The following HDAC10 variants were observed in gnomAD, a reference collection of about 807,000 sequenced individuals.
HDAC10 encodes polyamine deacetylase HDAC10.
In HDAC10, 90 loss-of-function variants were observed where a neutral mutation model predicts 82.3. The observed-to-expected ratio is 1.09, with a 90% confidence interval of 0.92 to 1.30. The LOEUF (loss-of-function observed/expected upper bound fraction) is 1.30, where lower values mean the gene tolerates loss of function less well. Ranked by LOEUF, HDAC10 falls within the 50% of genes most tolerant of loss-of-function variation. The pLI is 0.00. For synonymous variants in HDAC10, 456 were observed against 391.7 expected (o/e 1.16, Z -1.94); for missense variants, 934 against 876.3 (o/e 1.07, Z -0.83).
In HDAC10 at chr22:50,250,799, A is replaced by C. The variant is rs1488604639; in HGVS notation, c.166T>G (p.Ser56Ala). ...TGCACCAGGCCCAGCTCCTCTTCCG[A>C]GGCCTCGCGGGCTGACAACCGCAGA... ...RCLRLSAREA[S>A]EEELGLVHSP... Residue 56 changes from serine (S) to alanine (A), a missense_variant, in exon 2 of 20, where the codon TCG becomes GCG. Ser to Ala is a moderately conservative substitution (Grantham distance 99). Coordinates refer to ENST00000216271, the MANE Select transcript of HDAC10 (RefSeq NM_032019.6). The C allele has an allele frequency of 1.3e-5, 21 of 1,602,972 alleles. No homozygotes were observed. Among genetic ancestry groups the C allele is most frequent in the Non-Finnish European group, 1.8e-5 (21 of 1,176,176 alleles).
At chr22:50,250,750 G>T in intron 2 of HDAC10, 21 bp downstream of exon 2, 2 of 1,552,824 alleles carry the variant, frequency 1.3e-6, no homozygotes, top group South Asian at 1.2e-5. Flanking sequence ...CCCCCATCGT[G>T]GGGCCTGCCC....
rs1395578542 is a variant in HDAC10 at position 50,251,124 on chromosome 22, G to A, written c.-92C>T. On this transcript the variant is annotated 5_prime_UTR_variant, in exon 1 of 20. Transcript: ENST00000216271. ...CACCTTCGGCCGGGAGCAGCCGGAGGCCTGGGACCTGCCTGGGGCGCAGGC... is the reference window on the plus strand; with the variant it reads ...CACCTTCGGCCGGGAGCAGCCGGAGACCTGGGACCTGCCTGGGGCGCAGGC... 15 of 1,374,494 alleles carry A rather than the reference G, an allele frequency of 1.1e-5. No individual in the cohort carries two copies. The highest frequency in any genetic ancestry group is 4.1e-4 in the Middle Eastern group (2 of 4,838). The allele number at this position is 1,374,494 out of a possible 1,614,324, so 85.1% of individuals were successfully genotyped here.
Position 50,250,672 on chromosome 22 carries a change from G to A in HDAC10, c.194+99C>T, listed in dbSNP as rs528700657. On this transcript the variant is annotated intron_variant, in intron 2 of 19. Transcript: ENST00000216271. ...CCCGAGGTGCATAGGGAGAGGCTCT[G>A]TATTCGAGGCTGGCAGGCTCGGGGT... 7.8e-4 allele frequency: 1,068 copies of A among 1,366,970 alleles called. 11 individuals carry two copies. In the South Asian group the frequency reaches 0.014, roughly 18 times the overall value. The allele number at this position is 1,366,970 out of a possible 1,614,324, so 84.7% of individuals were successfully genotyped here.
chr22:50,248,393 A>C lies in HDAC10; in HGVS notation c.986T>G (p.Leu329Arg), dbSNP rs369323956. The C allele has an allele frequency of 1.9e-6, 3 of 1,607,748 alleles. No individual in the cohort carries two copies. Among genetic ancestry groups the C allele is most frequent in the Non-Finnish European group, 8.5e-7 (1 of 1,178,300 alleles). The change falls in exon 11 of 20, where the codon CTG (leucine) becomes CGG (arginine). Residue 329 changes from leucine (L) to arginine (R), a missense_variant. Leu to Arg is a moderately radical substitution (Grantham distance 102). Transcript: ENST00000216271. The surrounding 1 kb of genome is among the most constrained non-coding windows in gnomAD (Gnocchi z 5.4). ...QTLLGDPAPP[L>R]SGPMAPCQSA... Reference sequence around the variant, plus strand: ...CTGACATGGCGCCATTGGCCCTGACAGGGGTGGGGCCGGGTCACCCAGCAG... The same window carrying C: ...CTGACATGGCGCCATTGGCCCTGACCGGGGTGGGGCCGGGTCACCCAGCAG...
Position 50,246,686 on chromosome 22 carries a change from G to A in HDAC10, c.1564C>T (p.His522Tyr). ...AAGACCTGAGAGTCCTACCCGTCATGGGCGAGGTCTGGAGGCCGGTCCAGC... is the reference window on the plus strand; with the variant it reads ...AAGACCTGAGAGTCCTACCCGTCATAGGCGAGGTCTGGAGGCCGGTCCAGC... ...GQLDRPPDLA[H>Y]DGRSLWLNIR... is the part of the protein sequence containing the mutation. Residue 522 changes from histidine to tyrosine, a missense_variant, in exon 16 of 20, where the codon CAT becomes TAT. By Grantham distance (83) the His-to-Tyr change is moderately conservative. Transcript: ENST00000216271. The A allele has an allele frequency of 6.2e-7, 1 of 1,611,456 alleles. No homozygotes were observed. The highest frequency in any genetic ancestry group is 8.5e-7 in the Non-Finnish European group (1 of 1,179,784).
rs746906934 is a variant in HDAC10, at chr22:50,247,804, C to T, written c.1338-28G>A. ...GTGGTGGACAGACCAGAGGGACACA[C>T]AGACACGGAGTGACCGCAGGTCAGG... On this transcript the variant is annotated intron_variant, in intron 13 of 19. Coordinates refer to ENST00000216271, the MANE Select transcript of HDAC10 (RefSeq NM_032019.6). 10 of 1,612,798 alleles carry T rather than the reference C, an allele frequency of 6.2e-6. No individual in the cohort carries two copies. The South Asian group carries it at 9.9e-5, about 16-fold the overall frequency.
In HDAC10 at chr22:50,248,681, C is replaced by T. The variant is rs752737416; in HGVS notation, c.887G>A (p.Arg296Gln). Reference sequence around the variant, plus strand: ...AGTCACCTCCAGCACGGCACAGACCCGGCCGCCGGCCAGCACCTGCAGCAG... The same window carrying T: ...AGTCACCTCCAGCACGGCACAGACCTGGCCGCCGGCCAGCACCTGCAGCAG... ...TQLLQVLAGG[R>Q]VCAVLEGGYH... The change falls in exon 10 of 20, where the codon CGG (arginine) becomes CAG (glutamine). Residue 296 changes from arginine (R) to glutamine (Q), a missense_variant. Transcript: ENST00000216271. The surrounding 1 kb of genome is among the most constrained non-coding windows in gnomAD (Gnocchi z 5.4). The T allele has an allele frequency of 6.6e-6, 10 of 1,524,344 alleles. No individual in the cohort carries two copies. Among genetic ancestry groups the T allele is most frequent in the Non-Finnish European group, 7.1e-6 (8 of 1,133,552 alleles). 94.4% of individuals were successfully genotyped at this position (1,524,344 alleles called of 1,614,324 possible).
chr22:50,246,048 G>A lies in HDAC10; in HGVS notation c.1695C>T (p.Pro565=), dbSNP rs781153193. ...FLSCILGLVL[P]LAYGFQPDLV... The stretch of plus-strand genomic sequence containing the variant: ...GGTCAGGCTGGAAGCCATAGGCCAG[G>A]GGCAGCACCAAGCCCAAGATGCAGC... Residue 565 remains proline, a synonymous_variant, in exon 18 of 20, where the codon CCC becomes CCT. Coordinates refer to ENST00000216271, the MANE Select transcript of HDAC10 (RefSeq NM_032019.6). The A allele has an allele frequency of 1.2e-6, 2 of 1,612,280 alleles. No individual in the cohort carries two copies.
Position 50,250,439 on chromosome 22 carries a change from G to A in HDAC10, c.279C>T (p.Ile93=). The A allele has an allele frequency of 6.2e-7, 1 of 1,612,980 alleles. No individual in the cohort carries two copies. The highest frequency in any genetic ancestry group is 8.5e-7 in the Non-Finnish European group (1 of 1,179,926). Residue 93 remains isoleucine (I), a synonymous_variant, in exon 3 of 20, where the codon ATC becomes ATT. Coordinates refer to ENST00000216271, the MANE Select transcript of HDAC10 (RefSeq NM_032019.6). ...LQALSGQFDA[I]YFHPSTFHCA... The stretch of plus-strand genomic sequence containing the variant: ...CGGGGACACGCACCGGGTGGAAGTA[G>A]ATGGCGTCGAACTGTCCGGACAGCG...
chr22:50,248,456 T>C lies in HDAC10; in HGVS notation c.923A>G (p.Glu308Gly). The change falls in exon 11 of 20, where the codon GAG (glutamate) becomes GGG (glycine). Residue 308 changes from glutamate (E) to glycine (G), a missense_variant. Glu to Gly is a moderately conservative substitution (Grantham distance 98, BLOSUM62 -2). Coordinates refer to ENST00000216271, the MANE Select transcript of HDAC10 (RefSeq NM_032019.6). The surrounding 1 kb of genome is among the most constrained non-coding windows in gnomAD (Gnocchi z 5.4). ...CATGCACACTGACTCCGCCAGTGAC[T>C]CCAGGTGGTAGCCGCCCTGGGAGGA... ...CAVLEGGYHL[E>G]SLAESVCMTV... 6.2e-7 allele frequency: 1 copy of C among 1,607,518 alleles called. No homozygotes were observed. Among genetic ancestry groups the C allele is most frequent in the Non-Finnish European group, 8.5e-7 (1 of 1,179,800 alleles).
Position 50,247,708 on chromosome 22 carries a change from C to T in HDAC10, c.1406G>A (p.Gly469Glu). Residue 469 changes from glycine to glutamate, a missense_variant, in exon 14 of 20, where the codon GGG becomes GAG. Coordinates refer to ENST00000216271, the MANE Select transcript of HDAC10 (RefSeq NM_032019.6). ...ALGKLLYLLD[G>E]MLDGQVNSGI... ...TGCTCCCACCTGCCCATCCAGCATCCCATCTAAGAGGTACAGGAGCTTCCC... is the reference window on the plus strand; with the variant it reads ...TGCTCCCACCTGCCCATCCAGCATCTCATCTAAGAGGTACAGGAGCTTCCC... 10 of 1,578,060 alleles carry T rather than the reference C, an allele frequency of 6.3e-6. No individual in the cohort carries two copies. The highest frequency in any genetic ancestry group is 8.7e-6 in the Non-Finnish European group (10 of 1,155,682).
Position 50,249,046 on chromosome 22 carries a change from C to T in HDAC10, c.756+57G>A. 6.7e-7 allele frequency: 1 copy of T among 1,492,490 alleles called. No homozygotes were observed. 92.5% of individuals were successfully genotyped at this position (1,492,490 alleles called of 1,614,324 possible). A position where few individuals can be genotyped will look rare whatever the true frequency, so the allele number is the denominator to read the frequency against. On this transcript the variant is annotated intron_variant, in intron 8 of 19. Transcript: ENST00000216271. The surrounding 1 kb of genome is among the most constrained non-coding windows in gnomAD (Gnocchi z 4.4). ...TCCTCCTGCCTTCACTGGCGCACTCCAGGCACAAGGTCCCCCTCCCACCCG... is the reference window on the plus strand; with the variant it reads ...TCCTCCTGCCTTCACTGGCGCACTCTAGGCACAAGGTCCCCCTCCCACCCG...
Position 50,247,968 on chromosome 22 carries a change from T to A in HDAC10, c.1259A>T (p.Asp420Val), listed in dbSNP as rs891354162. 1.9e-6 allele frequency: 3 copies of A among 1,612,814 alleles called. No homozygotes were observed. Among genetic ancestry groups the A allele is most frequent in the Non-Finnish European group, 2.5e-6 (3 of 1,179,982 alleles). The change falls in exon 13 of 20, where the codon GAT (aspartate) becomes GTT (valine). Residue 420 changes from aspartate (D) to valine (V), a missense_variant. Physicochemically the swap from Asp to Val is radical, Grantham distance 152 (BLOSUM62 -3). Coordinates refer to ENST00000216271, the MANE Select transcript of HDAC10 (RefSeq NM_032019.6). ...GTCAGGGGGCAGAACCAATGTGATATCCGGCGTTGTCAGGGCAACAGCGGT... is the reference window on the plus strand; with the variant it reads ...GTCAGGGGGCAGAACCAATGTGATAACCGGCGTTGTCAGGGCAACAGCGGT... ...VRTAVALTTPDITLVLPPDVI... is the reference protein window; with the variant it reads ...VRTAVALTTPVITLVLPPDVI...
At position 50,247,966 on chromosome 22, in the gene HDAC10, T is replaced by C. The variant is rs373234995; in HGVS notation, c.1261A>G (p.Ile421Val). The C allele has an allele frequency of 3.1e-6, 5 of 1,612,746 alleles. No individual in the cohort carries two copies. The African/African-American group carries it at 5.3e-5, about 17-fold the overall frequency. The change falls in exon 13 of 20, where the codon ATC becomes GTC. Residue 421 changes from isoleucine (I) to valine (V), a missense_variant. Coordinates refer to ENST00000216271, the MANE Select transcript of HDAC10 (RefSeq NM_032019.6). Reference sequence around the variant, plus strand: ...ACGTCAGGGGGCAGAACCAATGTGATATCCGGCGTTGTCAGGGCAACAGCG... The same window carrying C: ...ACGTCAGGGGGCAGAACCAATGTGACATCCGGCGTTGTCAGGGCAACAGCG... ...RTAVALTTPD[I>V]TLVLPPDVIQ...
rs1436776752 is a variant in HDAC10, at chr22:50,248,219, A to G, written c.1081+6T>C. ...ATCCTGCAGCCTAGCACCCGGCCAC[A>G]CTGACCTTGCTGCTGGAGGCTCTTC... On this transcript the variant is annotated splice_donor_region_variant and intron_variant, in intron 12 of 19. Coordinates refer to ENST00000216271, the MANE Select transcript of HDAC10 (RefSeq NM_032019.6). This position sits in a 1 kb window ranked among gnomAD's most constrained non-coding sequence, Gnocchi z 5.4. The G allele has an allele frequency of 4.3e-6, 7 of 1,611,378 alleles. No individual in the cohort carries two copies. The Admixed American group carries it at 5.0e-5, about 12-fold the overall frequency.
In HDAC10 at chr22:50,246,534, C is replaced by A; in HGVS notation, c.1571+145G>T. 1.4e-5 allele frequency: 15 copies of A among 1,048,172 alleles called. No homozygotes were observed. Among genetic ancestry groups the A allele is most frequent in the Non-Finnish European group, 2.0e-5 (14 of 694,874 alleles). 64.9% of individuals were successfully genotyped at this position (1,048,172 alleles called of 1,614,324 possible). A position where few individuals can be genotyped will look rare whatever the true frequency, so the allele number is the denominator to read the frequency against. ...ACCCACCTGGCATTGCCTCCAGCAGCCCTTCTCCCACACCCCAGCTGAGGA... is the reference window on the plus strand; with the variant it reads ...ACCCACCTGGCATTGCCTCCAGCAGACCTTCTCCCACACCCCAGCTGAGGA... On this transcript the variant is annotated intron_variant, in intron 16 of 19. Coordinates refer to ENST00000216271, the MANE Select transcript of HDAC10 (RefSeq NM_032019.6).
Position 50,248,001 on chromosome 22 carries a change from G to C in HDAC10, c.1226C>G (p.Ser409Cys), listed in dbSNP as rs766384118. 5.6e-6 allele frequency: 9 copies of C among 1,612,734 alleles called. No homozygotes were observed. The African/African-American group carries it at 8.0e-5, about 14-fold the overall frequency. ...LDQPCLCPAP[S>C]VRTAVALTTP... Reference sequence around the variant, plus strand: ...TGTCAGGGCAACAGCGGTGCGGACAGAGGGTGCGGGGCAGAGGCACGGCTG... The same window carrying C: ...TGTCAGGGCAACAGCGGTGCGGACACAGGGTGCGGGGCAGAGGCACGGCTG... Residue 409 changes from serine to cysteine, a missense_variant, in exon 13 of 20, where the codon TCT (serine) becomes TGT (cysteine). Transcript: ENST00000216271. The surrounding 1 kb of genome is among the most constrained non-coding windows in gnomAD (Gnocchi z 5.4).
In HDAC10 at chr22:50,245,228, A is replaced by C; in HGVS notation, c.*279T>G. On this transcript the variant is annotated 3_prime_UTR_variant, in exon 20 of 20. Transcript: ENST00000216271. ...CTAACGGCGCAAGGGCGGGGAGCGA[A>C]GCGCAGCGGGGCGCAGGGGCCGGAA... 1.8e-6 allele frequency: 1 copy of C among 566,104 alleles called. No homozygotes were observed. The highest frequency in any genetic ancestry group is 3.1e-6 in the Non-Finnish European group (1 of 320,354). 35.1% of individuals were successfully genotyped at this position (566,104 alleles called of 1,614,324 possible). A position where few individuals can be genotyped will look rare whatever the true frequency, so the allele number is the denominator to read the frequency against.
In HDAC10 at chr22:50,245,300, C is replaced by T; in HGVS notation, c.*207G>A. On this transcript the variant is annotated 3_prime_UTR_variant, in exon 20 of 20. Coordinates refer to ENST00000216271, the MANE Select transcript of HDAC10 (RefSeq NM_032019.6). ...TGGGCCTCGATGGGACGGGCCGGGG[C>T]GCGATGGGTGGGGCGGGGGCGAGGT... The T allele has an allele frequency of 1.0e-5, 6 of 597,446 alleles. No individual in the cohort carries two copies. The highest frequency in any genetic ancestry group is 1.5e-5 in the Non-Finnish European group (5 of 338,372). 37.0% of individuals were successfully genotyped at this position (597,446 alleles called of 1,614,324 possible).
Sources: allele counts gnomAD v4.1 joint callset, GRCh38; gene constraint gnomAD v4.1.1; non-coding constraint Gnocchi (gnomAD v3.1); transcripts MANE v1.5; gene names NCBI Gene and HGNC (gene_info 2026-07-23, HGNC 2026-07-21).